Variants in PPP2R2B observed in about 807,000 individuals in gnomAD.
PPP2R2B encodes protein phosphatase 2 regulatory subunit Bbeta.
Under a neutral mutation model 46.0 loss-of-function variants are expected in PPP2R2B, and 5 were observed. That is an observed-to-expected ratio of 0.11 (90% CI 0.06 to 0.23). The LOEUF (loss-of-function observed/expected upper bound fraction) is 0.23. Ranked by LOEUF, PPP2R2B falls within the 10% of genes least tolerant of loss-of-function variation. PPP2R2B has a pLI of 1.00. For synonymous variants in PPP2R2B, 215 were observed against 206.7 expected (o/e 1.04, Z -0.34); for missense variants, 367 against 575.0 (o/e 0.64, Z 3.70).
intron 1 of PPP2R2B, among the ~76,000 whole-genome samples, chr5:147,028,468 A>G (rs1412739301): frequency 2.6e-5 from 4 of 152,170 alleles, no homozygotes; most frequent in Non-Finnish European, 5.9e-5. Context: ...AGCAAACACC[A>G]TCGTAACTTC....
intron 1 of PPP2R2B, among the ~76,000 whole-genome samples, chr5:146,935,823 C>A (rs1412681442): frequency 6.6e-6 from 1 of 152,108 alleles, no homozygotes; most frequent in Non-Finnish European, 1.5e-5. Context: ...AATCTGAGAC[C>A]TAACTTTTGA....
chr5:146,855,574 A>C (rs1760609006), intron 2 of PPP2R2B, among the ~76,000 whole-genome samples: 1 of 152,070 alleles, frequency 6.6e-6, no homozygotes, highest in Admixed American at 6.5e-5. Flanking sequence ...CTCTATGATA[A>C]AATATTTATC....
chr5:146,754,878 A>G (rs1753750742), intron 2 of PPP2R2B, among the ~76,000 whole-genome samples: 1 of 152,152 alleles, frequency 6.6e-6, no homozygotes, highest in South Asian at 2.1e-4. Flanking sequence ...CTTCCAAATG[A>G]CTGTAGTCCT....
At chr5:147,033,266 A>C (rs951831213) in intron 1 of PPP2R2B, among the ~76,000 whole-genome samples, 1 of 152,142 alleles carries the variant, frequency 6.6e-6, no homozygotes, top group Non-Finnish European at 1.5e-5. Flanking sequence ...ACCCATGTGC[A>C]TGGCTTTAAC....
chr5:146,669,044 G>T (rs1272052261), intron 5 of PPP2R2B, among the ~76,000 whole-genome samples: 1 of 152,144 alleles, frequency 6.6e-6, no homozygotes, highest in Non-Finnish European at 1.5e-5. Context: ...AACCTAAAAA[G>T]AAGGGAAAAC....
intron 1 of PPP2R2B, among the ~76,000 whole-genome samples, chr5:147,042,831 C>T (rs1422234875): frequency 6.6e-6 from 1 of 151,904 alleles, no homozygotes; most frequent in Non-Finnish European, 1.5e-5. Context: ...TGTGCAAAGA[C>T]AAAAGAAGTA....
At chr5:146,675,870 G>C (rs1777676879) in intron 5 of PPP2R2B, among the ~76,000 whole-genome samples, 1 of 151,860 alleles carries the variant, frequency 6.6e-6, no homozygotes, top group Non-Finnish European at 1.5e-5. Context: ...TTGAGGTAAT[G>C]ATTTATATGT....
intron 2 of PPP2R2B, among the ~76,000 whole-genome samples, chr5:146,811,046 C>A (rs1355085024): frequency 6.6e-6 from 1 of 152,166 alleles, no homozygotes; most frequent in African/African-American, 2.4e-5. Context: ...TGTCGCCACC[C>A]AGGCTGGAGT....
chr5:146,902,678 C>T (rs1762872507), intron 1 of PPP2R2B, among the ~76,000 whole-genome samples: 2 of 152,306 alleles, frequency 1.3e-5, no homozygotes, highest in South Asian at 2.1e-4. Context: ...ACACAAAGAT[C>T]TGATCAAGCC....
In PPP2R2B at chr5:146,618,086, C is replaced by A. The variant is rs77468404; in HGVS notation, c.791-17626G>T. ...CCCTAATCCCTAGAACCTGTGACCA[C>A]GTTATGTTACATGACAAGGGGGAAT... On this transcript the variant is annotated intron_variant, in intron 7 of 9. Coordinates refer to ENST00000394411, the MANE Select transcript of PPP2R2B (RefSeq NM_181675.4). Among the ~76,000 whole-genome samples, 1,192 of 152,246 alleles carry A rather than the reference C, an allele frequency of 7.8e-3. 19 individuals are homozygous for A. The highest frequency in any genetic ancestry group is 0.027 in the African/African-American group (1,126 of 41,542).
chr5:146,684,123 G>A (rs897264416), intron 5 of PPP2R2B, among the ~76,000 whole-genome samples: 9 of 152,094 alleles, frequency 5.9e-5, no homozygotes, highest in African/African-American at 1.7e-4. Context: ...AGCTAAACAC[G>A]CCATTGTTAT....
intron 2 of PPP2R2B, among the ~76,000 whole-genome samples, chr5:146,788,826 T>C (rs535249647): frequency 6.6e-6 from 1 of 152,232 alleles, no homozygotes; most frequent in Admixed American, 6.5e-5. Context: ...GAAACAAAAC[T>C]CTCTGCCTTG....
intron 2 of PPP2R2B, among the ~76,000 whole-genome samples, chr5:146,794,137 T>C (rs749414980): frequency 2.6e-5 from 4 of 152,166 alleles, no homozygotes; most frequent in African/African-American, 9.6e-5. Flanking sequence ...ACTTCACAAG[T>C]AGGATTGTGA....
At chr5:146,771,213 C>A (rs895640414) in intron 2 of PPP2R2B, among the ~76,000 whole-genome samples, 1 of 152,060 alleles carries the variant, frequency 6.6e-6, no homozygotes, top group Non-Finnish European at 1.5e-5. Context: ...CATCAGTGGC[C>A]AAGAAGACTG....
At chr5:146,642,755 C>G (rs1325852435) in intron 6 of PPP2R2B, among the ~76,000 whole-genome samples, 1 of 152,138 alleles carries the variant, frequency 6.6e-6, no homozygotes, top group African/African-American at 2.4e-5. Flanking sequence ...AGTTGTATTT[C>G]AGGCTGGAAA....
At chr5:146,742,200 A>C (rs1561871851) in intron 2 of PPP2R2B, among the ~76,000 whole-genome samples, 1 of 152,176 alleles carries the variant, frequency 6.6e-6, no homozygotes, top group East Asian at 1.9e-4. Context: ...TGGATTTGAG[A>C]CTATATTGCT....
chr5:146,937,403 T>C (rs944472549), intron 1 of PPP2R2B, among the ~76,000 whole-genome samples: 34 of 152,264 alleles, frequency 2.2e-4, no homozygotes, highest in African/African-American at 7.7e-4. Context: ...TTTTGCACTT[T>C]ATGTCACGCT....
intron 2 of PPP2R2B, among the ~76,000 whole-genome samples, chr5:146,744,345 G>A (rs937013696): frequency 7.9e-5 from 12 of 152,176 alleles, no homozygotes; most frequent in African/African-American, 2.9e-4. Flanking sequence ...AGCAATGAAA[G>A]CTATTTGCTC....
intron 1 of PPP2R2B, among the ~76,000 whole-genome samples, chr5:146,885,403 C>A (rs930675306): frequency 3.9e-4 from 59 of 152,274 alleles, no homozygotes; most frequent in African/African-American, 1.4e-3. Flanking sequence ...CTTTCCAAAC[C>A]ATTCACCGCT....
Sources: allele counts gnomAD v4.1 joint callset (sites outside exome capture counted in the v4.1 genomes callset), GRCh38; gene constraint gnomAD v4.1.1; transcripts MANE v1.5; gene names NCBI Gene and HGNC (gene_info 2026-07-23, HGNC 2026-07-21).